Variants in IQCH observed in about 807,000 individuals in gnomAD.
The protein encoded by IQCH is IQ domain-containing protein H.
A neutral mutation model predicts 117.0 loss-of-function variants in IQCH; 98 were observed. That is an observed-to-expected ratio of 0.84 (90% CI 0.71 to 0.99). The LOEUF (loss-of-function observed/expected upper bound fraction) is 0.99, where lower values mean the gene tolerates loss of function less well. Ranked by LOEUF, IQCH falls within the 50% of genes least tolerant of loss-of-function variation. The pLI is 0.00. For synonymous variants in IQCH, 412 were observed against 448.2 expected, an observed-to-expected ratio of 0.92 and a Z score of 1.02; for missense variants, 1,102 against 1,243.8, an observed-to-expected ratio of 0.89 and a Z score of 1.72.
intron 4 of IQCH, among the ~76,000 whole-genome samples, chr15:67,300,036 T>G (rs973022484): frequency 2.4e-4 from 36 of 152,282 alleles, no homozygotes; most frequent in African/African-American, 8.2e-4. Flanking sequence ...GATTTTTATA[T>G]TTCTATCATT....
rs1264052848 is a variant in IQCH, at chr15:67,366,961, T to C, written c.754-5150T>C. On this transcript the variant is annotated intron_variant, in intron 8 of 20. Coordinates refer to ENST00000335894, the MANE Select transcript of IQCH (RefSeq NM_001031715.3). This position sits in a 1 kb window ranked among gnomAD's most constrained non-coding sequence, Gnocchi z 4.4. ...TGATGCCATTGGAGATAGTTGCCTT[T>C]GATTTGATGGCTTTACTGGCTCCAG... Among the ~76,000 whole-genome samples the C allele has an allele frequency of 6.6e-6, 1 of 152,162 alleles. No individual in the cohort carries two copies. The highest frequency in any genetic ancestry group is 1.5e-5 in the Non-Finnish European group (1 of 68,032).
chr15:67,264,614 G>C (rs1009391608), intron 3 of IQCH, among the ~76,000 whole-genome samples: 4 of 152,152 alleles, frequency 2.6e-5, no homozygotes, highest in Admixed American at 2.6e-4. Flanking sequence ...GAGTGCCCTA[G>C]ATGGAAGCCA....
At position 67,432,470 on chromosome 15, in the gene IQCH, C is replaced by T. The variant is rs1362395976; in HGVS notation, c.2505+10893C>T. 2.0e-5 allele frequency among the ~76,000 whole-genome samples: 3 copies of T among 152,200 alleles called. No individual in the cohort carries two copies. The highest frequency in any genetic ancestry group is 2.1e-4 in the South Asian group (1 of 4,834). Reference sequence around the variant, plus strand: ...GTGATACTGTAGACAATTCACTTGACCAATCTGAGCCTTGTTTTTTTGTTA... The same window carrying T: ...GTGATACTGTAGACAATTCACTTGATCAATCTGAGCCTTGTTTTTTTGTTA... On this transcript the variant is annotated intron_variant, in intron 16 of 20. Coordinates refer to ENST00000335894, the MANE Select transcript of IQCH (RefSeq NM_001031715.3). The surrounding 1 kb of genome is among the most constrained non-coding windows in gnomAD (Gnocchi z 5.0).
intron 1 of IQCH, among the ~76,000 whole-genome samples, chr15:67,259,893 C>T (rs749120440): frequency 4.9e-4 from 75 of 152,218 alleles, no homozygotes; most frequent in Non-Finnish European, 8.5e-4. Flanking sequence ...AATCTGTGAG[C>T]TCTGAAGGCC....
In IQCH at chr15:67,453,697, GC is replaced by G. The variant is rs2082589804; in HGVS notation, c.2506-11427del. On this transcript the variant is annotated intron_variant, in intron 16 of 20. Coordinates refer to ENST00000335894, the MANE Select transcript of IQCH (RefSeq NM_001031715.3). This position sits in a 1 kb window ranked among gnomAD's most constrained non-coding sequence, Gnocchi z 5.8. Reference sequence around the variant, plus strand: ...AGGGACCCACTTGAGGAGGCAGTCTGCCCGTTCTCAGATCTCAAGCTGCATG... The same window carrying G: ...AGGGACCCACTTGAGGAGGCAGTCTGCCGTTCTCAGATCTCAAGCTGCATG... 1.3e-5 allele frequency among the ~76,000 whole-genome samples: 2 copies of G among 152,214 alleles called. No individual in the cohort carries two copies. The highest frequency in any genetic ancestry group is 4.8e-5 in the African/African-American group (2 of 41,454).
chr15:67,302,095 G>A (rs1967074332), intron 4 of IQCH, among the ~76,000 whole-genome samples: 1 of 152,080 alleles, frequency 6.6e-6, no homozygotes. Context: ...ACTTGATGGA[G>A]CATGATAAAA....
In IQCH at chr15:67,279,510, A is replaced by G; in HGVS notation, c.385A>G (p.Lys129Glu). The G allele has an allele frequency of 6.4e-7, 1 of 1,568,592 alleles. No homozygotes were observed. The highest frequency in any genetic ancestry group is 1.1e-5 in the South Asian group (1 of 87,810). ...ATCTCTGCCTGTCTTTCCAAGAGCA[A>G]AGGTAGGTATAGAGAAATTCATAGA... is the stretch of plus-strand genomic sequence containing the variant. Reference protein sequence around the residue: ...SSSLPVFPRAKIKVSKLIKGS... With the variant: ...SSSLPVFPRAEIKVSKLIKGS... The change falls in exon 4 of 21, where the codon AAG (lysine) becomes GAG (glutamate). Residue 129 changes from lysine to glutamate, a missense_variant and splice_region_variant. Transcript: ENST00000335894.
At chr15:67,396,830 G>A in intron 13 of IQCH, among the ~76,000 whole-genome samples, 1 of 152,234 alleles carries the variant, frequency 6.6e-6, no homozygotes, top group East Asian at 1.9e-4. Flanking sequence ...ATACTTTGCA[G>A]AGATTAGTTT....
Position 67,301,401 on chromosome 15 carries a change from G to GTTTTT in IQCH, c.387+21911_387+21915dup, listed in dbSNP as rs10663973. Among the ~76,000 whole-genome samples, 8 of 75,338 alleles carry GTTTTT rather than the reference G, an allele frequency of 1.1e-4. 1 individual carries two copies. Among genetic ancestry groups the GTTTTT allele is most frequent in the East Asian group, 4.8e-4 (1 of 2,068 alleles). The allele number at this position is 75,338 out of a possible 152,430, so 49.4% of individuals were successfully genotyped here. ...TTCAGTGAAACATTTGTTATGTTAA[G>GTTTTT]TTTTTTTTTTTTTTTTTTTTTTTTT... On this transcript the variant is annotated intron_variant, in intron 4 of 20. Transcript: ENST00000335894.
At position 67,403,948 on chromosome 15, in the gene IQCH, G is replaced by T. The variant is rs1252959944; in HGVS notation, c.2097+3643G>T. 6.6e-6 allele frequency: 1 copy of T among 152,192 alleles called. No homozygotes were observed. The highest frequency in any genetic ancestry group is 2.4e-5 in the African/African-American group (1 of 41,430). 9.4% of individuals were successfully genotyped at this position (152,192 alleles called of 1,614,324 possible). A position where few individuals can be genotyped will look rare whatever the true frequency, so the allele number is the denominator to read the frequency against. On this transcript the variant is annotated intron_variant, in intron 14 of 20. Transcript: ENST00000335894. This position sits in a 1 kb window ranked among gnomAD's most constrained non-coding sequence, Gnocchi z 4.8. ...CTTTCAAGTTTCTCTGCAGCCCTTC[G>T]TTGGGCCTCTGTTACCCTGGAGATT... is the stretch of plus-strand genomic sequence containing the variant.
chr15:67,493,226 A>G lies in IQCH; in HGVS notation c.2862-1032A>G, dbSNP rs1001515768. On this transcript the variant is annotated intron_variant, in intron 19 of 20. Transcript: ENST00000335894. This position sits in a 1 kb window ranked among gnomAD's most constrained non-coding sequence, Gnocchi z 5.1. Reference sequence around the variant, plus strand: ...GAATGTTAGAACAGGGAAGGGCCTCAGAATTAACTGATCCTCATAGATGGG... The same window carrying G: ...GAATGTTAGAACAGGGAAGGGCCTCGGAATTAACTGATCCTCATAGATGGG... Among the ~76,000 whole-genome samples, 13 of 152,318 alleles carry G rather than the reference A, an allele frequency of 8.5e-5. No homozygotes were observed. Among genetic ancestry groups the G allele is most frequent in the African/African-American group, 2.6e-4 (11 of 41,574 alleles).
chr15:67,363,383 GCA>G (rs1970218210), intron 8 of IQCH, among the ~76,000 whole-genome samples: 1 of 151,544 alleles, frequency 6.6e-6, no homozygotes, highest in Admixed American at 6.6e-5. Flanking sequence ...CTAGAGGCGT[GCA>G]CCACCACACC....
intron 3 of IQCH, among the ~76,000 whole-genome samples, chr15:67,268,366 C>A (rs1156699202): frequency 6.6e-6 from 1 of 152,190 alleles, no homozygotes; most frequent in African/African-American, 2.4e-5. Flanking sequence ...TCACTGTTAT[C>A]CACACTTTGG....
chr15:67,435,671 G>A (rs578000707), intron 16 of IQCH, among the ~76,000 whole-genome samples: 7 of 152,102 alleles, frequency 4.6e-5, no homozygotes, highest in South Asian at 2.1e-4. Flanking sequence ...TCAGGAGTTC[G>A]GGATCAGCCT....
chr15:67,478,086 C>T lies in IQCH; in HGVS notation c.2799+2268C>T, dbSNP rs146062452. On this transcript the variant is annotated intron_variant, in intron 18 of 20. Coordinates refer to ENST00000335894, the MANE Select transcript of IQCH (RefSeq NM_001031715.3). ...TCAGGGAGCTCACTGAAGACAGCTA[C>T]AGAAAAGGCAGACAGAGGCTGGGCA... 1.2e-4 allele frequency among the ~76,000 whole-genome samples: 19 copies of T among 152,190 alleles called. No homozygotes were observed. In the East Asian group the frequency reaches 3.7e-3, roughly 29 times the overall value.
At chr15:67,434,467 T>TAC (rs1007994545) in intron 16 of IQCH, among the ~76,000 whole-genome samples, 25 of 152,328 alleles carry the variant, frequency 1.6e-4, no homozygotes, top group Admixed American at 3.3e-4. Flanking sequence ...CATACATATA[T>TAC]ACACACACAC....
intron 4 of IQCH, among the ~76,000 whole-genome samples, chr15:67,285,376 C>G (rs1186205598): frequency 6.6e-6 from 1 of 151,908 alleles, no homozygotes; most frequent in Non-Finnish European, 1.5e-5. Context: ...CGAAAATTTT[C>G]TCCCATTCTG....
intron 2 of IQCH, 65 bp from the exon 3 acceptor site, chr15:67,263,057 G>A: frequency 1.2e-6 from 1 of 844,762 alleles, no homozygotes. Context: ...TTAACCTAAT[G>A]AAGTAAATTA....
intron 4 of IQCH, among the ~76,000 whole-genome samples, chr15:67,302,391 T>A (rs1162342277): frequency 1.3e-5 from 2 of 152,164 alleles, no homozygotes; most frequent in Non-Finnish European, 2.9e-5. Flanking sequence ...CCTGGAGTAG[T>A]GCTGTGAGTG....
Sources: gnomAD v4.1 joint callset for allele counts (sites outside exome capture counted in the v4.1 genomes callset) on GRCh38, gnomAD v4.1.1 for gene constraint, Gnocchi (gnomAD v3.1) non-coding constraint, MANE v1.5 for transcripts, NCBI Gene and HGNC (gene_info 2026-07-23, HGNC 2026-07-21) for gene names.